Variants in PDE7B observed in about 807,000 individuals in gnomAD.
The protein encoded by PDE7B is 3',5'-cyclic-AMP phosphodiesterase 7B.
Under a neutral mutation model 56.2 loss-of-function variants are expected in PDE7B, and 29 were observed. The ratio of observed to expected loss-of-function variants is 0.52; its 90% CI spans 0.38 to 0.70. The LOEUF is 0.70. Among genes scored for constraint, PDE7B ranks in the 30% least tolerant of loss-of-function variants. The pLI, the probability that PDE7B is intolerant of heterozygous loss-of-function variation, is 0.00. For synonymous variants in PDE7B, 197 were observed against 196.9 expected, an observed-to-expected ratio of 1.00 and a Z score of 0.00; for missense variants, 490 against 565.0, an observed-to-expected ratio of 0.87 and a Z score of 1.35.
intron 2 of PDE7B, among the ~76,000 whole-genome samples, chr6:136,021,294 G>A (rs946268306): frequency 4.6e-5 from 7 of 152,122 alleles, no homozygotes; most frequent in East Asian, 1.9e-4. Flanking sequence ...CACAAGAGCC[G>A]CTGCTCTTTT....
intron 2 of PDE7B, among the ~76,000 whole-genome samples, chr6:136,030,895 T>C (rs1360610658): frequency 6.6e-6 from 1 of 152,232 alleles, no homozygotes; most frequent in Non-Finnish European, 1.5e-5. Flanking sequence ...AGTATTTGTT[T>C]ATGAAATTCT....
At chr6:136,182,810 A>G (rs1779087311) in intron 11 of PDE7B, among the ~76,000 whole-genome samples, 1 of 152,208 alleles carries the variant, frequency 6.6e-6, no homozygotes, top group African/African-American at 2.4e-5. Context: ...GCAGTGGCTC[A>G]TGCCTGTAAT....
chr6:135,857,526 A>G (rs1775058923), intron 1 of PDE7B, among the ~76,000 whole-genome samples: 1 of 152,194 alleles, frequency 6.6e-6, no homozygotes, highest in Non-Finnish European at 1.5e-5. Context: ...GTCCAGGCAT[A>G]GACATGGAGA....
intron 1 of PDE7B, among the ~76,000 whole-genome samples, chr6:135,916,996 T>C (rs1269375564): frequency 6.6e-6 from 1 of 152,178 alleles, no homozygotes; most frequent in Admixed American, 6.5e-5. Context: ...CTGTGTTCTA[T>C]GTAAGAAATC....
intron 2 of PDE7B, among the ~76,000 whole-genome samples, chr6:136,077,777 A>T (rs751528989): frequency 1.3e-5 from 2 of 152,200 alleles, no homozygotes; most frequent in Non-Finnish European, 2.9e-5. Context: ...CCTGGATTTT[A>T]ATTTTTCAAA....
At chr6:135,913,134 C>A (rs2128194089) in intron 1 of PDE7B, among the ~76,000 whole-genome samples, 2 of 152,310 alleles carry the variant, frequency 1.3e-5, no homozygotes, top group African/African-American at 4.8e-5. Context: ...ACATAATTAT[C>A]TTTTTAATCT....
chr6:135,905,645 G>A (rs1013636889), intron 1 of PDE7B, among the ~76,000 whole-genome samples: 2 of 152,152 alleles, frequency 1.3e-5, no homozygotes, highest in African/African-American at 4.8e-5. Context: ...GAACATCGTG[G>A]AAGCCTAGTA....
chr6:136,162,059 C>G (rs564113392), intron 8 of PDE7B: 13 of 152,240 alleles, frequency 8.5e-5, no homozygotes, highest in African/African-American at 3.1e-4. Context: ...TTCCACTTTT[C>G]CACTTAACTT....
intron 1 of PDE7B, among the ~76,000 whole-genome samples, chr6:135,856,062 C>T (rs780318745): frequency 6.6e-6 from 1 of 152,194 alleles, no homozygotes; most frequent in Non-Finnish European, 1.5e-5. Flanking sequence ...TTTTCCACCT[C>T]TCCCATTCCT....
In PDE7B at chr6:136,133,286, A is replaced by T. The variant is rs146218355; in HGVS notation, c.167-14065A>T. ...GAAGGGGCTGCCAAAAAAAAAAAGC[A>T]TAAAGGTTTTCTTTCTGGAAGTTTT... On this transcript the variant is annotated intron_variant, in intron 3 of 12. Transcript: ENST00000308191. Among the ~76,000 whole-genome samples, 239 of 151,614 alleles carry T rather than the reference A, an allele frequency of 1.6e-3. 7 individuals are homozygous for T. In the East Asian group the frequency reaches 0.045, roughly 28 times the overall value.
At chr6:136,173,261 G>A (rs1254906193) in intron 8 of PDE7B, among the ~76,000 whole-genome samples, 1 of 152,088 alleles carries the variant, frequency 6.6e-6, no homozygotes, top group East Asian at 1.9e-4. Context: ...TATACTACAA[G>A]GCTACAGTAA....
chr6:136,191,932 C>CT lies in PDE7B; in HGVS notation c.*95dup. On this transcript the variant is annotated 3_prime_UTR_variant, in exon 13 of 13. Coordinates refer to ENST00000308191, the MANE Select transcript of PDE7B (RefSeq NM_018945.4). ...GGGCCCTCACGCAGCAGCCCAGCCACTTTCTGAGTGTTGTCCTGGGGCTCT... is the reference window on the plus strand; with the variant it reads ...GGGCCCTCACGCAGCAGCCCAGCCACTTTTCTGAGTGTTGTCCTGGGGCTCT... The CT allele has an allele frequency of 1.1e-6, 1 of 937,322 alleles. No homozygotes were observed. The highest frequency in any genetic ancestry group is 1.6e-6 in the Non-Finnish European group (1 of 618,618). The allele number at this position is 937,322 out of a possible 1,614,324, so 58.1% of individuals were successfully genotyped here. A position where few individuals can be genotyped will look rare whatever the true frequency, so the allele number is the denominator to read the frequency against.
intron 1 of PDE7B, among the ~76,000 whole-genome samples, chr6:135,903,714 T>C (rs1357769417): frequency 6.6e-6 from 1 of 152,190 alleles, no homozygotes; most frequent in Non-Finnish European, 1.5e-5. Flanking sequence ...AAACATTAAA[T>C]TCCTTTTTAA....
chr6:136,099,251 T>C (rs1453834329), intron 2 of PDE7B, among the ~76,000 whole-genome samples: 1 of 152,218 alleles, frequency 6.6e-6, no homozygotes, highest in Non-Finnish European at 1.5e-5. Flanking sequence ...TGCATGTGTC[T>C]TTATAGCAGC....
intron 9 of PDE7B, among the ~76,000 whole-genome samples, chr6:136,176,730 T>G (rs1778984400): frequency 6.6e-6 from 1 of 152,132 alleles, no homozygotes; most frequent in African/African-American, 2.4e-5. Context: ...CCAGAAACAT[T>G]GTACTAATTT....
intron 9 of PDE7B, among the ~76,000 whole-genome samples, chr6:136,175,946 CTT>C (rs1448595548): frequency 1.3e-5 from 2 of 151,838 alleles, no homozygotes; most frequent in African/African-American, 4.8e-5. Context: ...TTATTTTTAT[CTT>C]TTTAAAATAT....
chr6:135,983,858 T>C (rs918784457), intron 2 of PDE7B, among the ~76,000 whole-genome samples: 1 of 152,242 alleles, frequency 6.6e-6, no homozygotes. Context: ...AGGAAGATGA[T>C]AGCTGCTTCC....
rs192133532 is a variant in PDE7B, at chr6:136,183,552, C to T, written c.1045+2229C>T. 5.7e-3 allele frequency among the ~76,000 whole-genome samples: 827 copies of T among 144,760 alleles called. 8 individuals carry two copies. The highest frequency in any genetic ancestry group is 0.019 in the African/African-American group (742 of 38,986). The allele number at this position is 144,760 out of a possible 152,430, so 95.0% of individuals were successfully genotyped here. On this transcript the variant is annotated intron_variant, in intron 11 of 12. Coordinates refer to ENST00000308191, the MANE Select transcript of PDE7B (RefSeq NM_018945.4). ...CAGAGCTTGCAGTGAGCCAAGGTCA[C>T]GCCACTGCACTCCAGCCTGGGTGAC... is the stretch of plus-strand genomic sequence containing the variant.
chr6:135,861,804 A>G (rs1775153073), intron 1 of PDE7B, among the ~76,000 whole-genome samples: 2 of 151,712 alleles, frequency 1.3e-5, no homozygotes, highest in African/African-American at 4.8e-5. Flanking sequence ...TCTGTCAGTA[A>G]TATCTTCTGG....
Sources: allele counts gnomAD v4.1 joint callset (sites outside exome capture counted in the v4.1 genomes callset), GRCh38; gene constraint gnomAD v4.1.1; transcripts MANE v1.5; gene names NCBI Gene and HGNC (gene_info 2026-07-23, HGNC 2026-07-21).